The following L1TD1 variants were observed in gnomAD, a reference collection of about 807,000 sequenced individuals.
The protein encoded by L1TD1 is LINE-1 type transposase domain-containing protein 1.
A neutral mutation model predicts 25.7 loss-of-function variants in L1TD1; 26 were observed. That is an observed-to-expected ratio of 1.01 (90% CI 0.74 to 1.40). The LOEUF (loss-of-function observed/expected upper bound fraction) is 1.40. L1TD1 is among the 40% of genes most tolerant of loss of function. L1TD1 has a pLI of 0.00. For missense variants in L1TD1, 1,130 were observed against 975.0 expected, an observed-to-expected ratio of 1.16 and a Z score of -2.12; for synonymous variants, 421 against 335.6, an observed-to-expected ratio of 1.25 and a Z score of -2.78.
chr1:62,210,847 A>G lies in L1TD1; in HGVS notation c.2073A>G (p.Arg691=). The G allele has an allele frequency of 2.6e-6, 4 of 1,549,550 alleles. No homozygotes were observed. Among genetic ancestry groups the G allele is most frequent in the Non-Finnish European group, 3.5e-6 (4 of 1,146,560 alleles). Residue 691 remains arginine (R), a synonymous_variant, in exon 4 of 4, where the codon AGA becomes AGG. Transcript: ENST00000498273. ...TKQIISKERQ[R]DIEERSRSCN... is the part of the protein sequence containing the mutation. Reference sequence around the variant, plus strand: ...AGATAATTAGTAAAGAAAGGCAAAGAGATATAGAGGAGAGATCTAGAAGTT... The same window carrying G: ...AGATAATTAGTAAAGAAAGGCAAAGGGATATAGAGGAGAGATCTAGAAGTT...
At chr1:62,195,856 T>TA (rs1553121747) in intron 1 of L1TD1, among the ~76,000 whole-genome samples, 2 of 151,586 alleles carry the variant, frequency 1.3e-5, no homozygotes, top group Non-Finnish European at 2.9e-5. Flanking sequence ...CTGGCCAACT[T>TA]GGGAAACCCC....
In L1TD1 at chr1:62,209,828, A is replaced by T; in HGVS notation, c.1054A>T (p.Ser352Cys). 1 of 1,612,640 alleles carries T rather than the reference A, an allele frequency of 6.2e-7. No homozygotes were observed. The highest frequency in any genetic ancestry group is 8.5e-7 in the Non-Finnish European group (1 of 1,179,530). ...AAAGCATAGAGCTGGAGAAATAACC[A>T]GTGATGGCTTGAGCTTCCTATTTCT... ...DSKHRAGEITSDGLSFLFLKE... is the reference protein window; with the variant it reads ...DSKHRAGEITCDGLSFLFLKE... The change falls in exon 4 of 4, where the codon AGT becomes TGT. Residue 352 changes from serine (S) to cysteine (C), a missense_variant. Physicochemically the swap from Ser to Cys is moderately radical, Grantham distance 112. Coordinates refer to ENST00000498273, the MANE Select transcript of L1TD1 (RefSeq NM_019079.5).
At chr1:62,205,929 C>G (rs537075551) in intron 2 of L1TD1, among the ~76,000 whole-genome samples, 2 of 152,016 alleles carry the variant, frequency 1.3e-5, no homozygotes, top group Admixed American at 6.6e-5. Flanking sequence ...ACAGGTCACC[C>G]TATGTTGCCC....
At position 62,211,276 on chromosome 1, in the gene L1TD1, G is replaced by T; in HGVS notation, c.2502G>T (p.Arg834Ser). 1.2e-6 allele frequency: 2 copies of T among 1,611,026 alleles called. No homozygotes were observed. Among genetic ancestry groups the T allele is most frequent in the East Asian group, 2.2e-5 (1 of 44,824 alleles). The change falls in exon 4 of 4, where the codon AGG becomes AGT. Residue 834 changes from arginine to serine, a missense_variant. Arg to Ser is a moderately radical substitution (Grantham distance 110, BLOSUM62 -1). Coordinates refer to ENST00000498273, the MANE Select transcript of L1TD1 (RefSeq NM_019079.5). ...CAGCCAAAATGGCATTTGATTTTAGGGGTAAAACAAAGGTATTTCTTAGTA... is the reference window on the plus strand; with the variant it reads ...CAGCCAAAATGGCATTTGATTTTAGTGGTAAAACAAAGGTATTTCTTAGTA... The part of the protein sequence containing the change: ...LYPAKMAFDF[R>S]GKTKVFLSIE...
intron 1 of L1TD1, among the ~76,000 whole-genome samples, chr1:62,195,401 G>C (rs568743798): frequency 1.3e-5 from 2 of 152,376 alleles, no homozygotes; most frequent in South Asian, 4.1e-4. Context: ...AAGTAGTTCT[G>C]TGAAGAAAAA....
intron 3 of L1TD1, chr1:62,208,561 C>T (rs970295915): frequency 3.3e-5 from 5 of 149,862 alleles, no homozygotes; most frequent in African/African-American, 7.4e-5. Flanking sequence ...CTCACTGCAC[C>T]CTCCACCTCC....
chr1:62,202,669 A>ATTTTTT (rs35815437), intron 2 of L1TD1, among the ~76,000 whole-genome samples: 30 of 71,864 alleles, frequency 4.2e-4, no homozygotes, highest in Non-Finnish European at 5.3e-4. Flanking sequence ...CCAGGGTTTA[A>ATTTTTT]TTTTTTTTTT....
chr1:62,210,074 G>A lies in L1TD1; in HGVS notation c.1300G>A (p.Glu434Lys), dbSNP rs145782724. Residue 434 changes from glutamate (E) to lysine (K), a missense_variant, in exon 4 of 4, where the codon GAG becomes AAG. Transcript: ENST00000498273. ...LEEDEASGLE[E>K]EEEQTSEQDS... ...GGAGGATGAGGCCTCAGGGCTAGAG[G>A]AGGAAGAGGAACAGACTTCAGAACA... 1.2e-6 allele frequency: 2 copies of A among 1,613,952 alleles called. No homozygotes were observed. Among genetic ancestry groups the A allele is most frequent in the African/African-American group, 1.3e-5 (1 of 74,890 alleles).
intron 2 of L1TD1, among the ~76,000 whole-genome samples, chr1:62,203,263 A>T (rs1458529474): frequency 6.6e-6 from 1 of 152,130 alleles, no homozygotes. Context: ...TCTTGTTACA[A>T]ACATTCCAAT....
intron 2 of L1TD1, among the ~76,000 whole-genome samples, chr1:62,205,092 C>T (rs1670709476): frequency 6.6e-6 from 1 of 151,956 alleles, no homozygotes; most frequent in Admixed American, 6.6e-5. Context: ...TGGCTCAAGC[C>T]TGTAATTCCA....
rs1455798455 is a variant in L1TD1 at position 62,210,227 on chromosome 1, AAG to A, written c.1456_1457del (p.Ser486LeufsTer2). ...DSESEEEEEG[K>X]SSETGKVKTT... ...TGAATCAGAGGAGGAAGAAGAAGGA[AAG>A]AGCTCTGAAACAGGAAAGGTAAAGA... On this transcript the variant is annotated frameshift_variant, in exon 4 of 4. Transcript: ENST00000498273. LOFTEE classifies it low-confidence loss of function (END_TRUNC). 6.2e-7 allele frequency: 1 copy of A among 1,613,856 alleles called. No individual in the cohort carries two copies. Among genetic ancestry groups the A allele is most frequent in the Non-Finnish European group, 8.5e-7 (1 of 1,179,976 alleles).
At chr1:62,199,923 T>C (rs1490388788) in intron 2 of L1TD1, among the ~76,000 whole-genome samples, 1 of 151,338 alleles carries the variant, frequency 6.6e-6, no homozygotes, top group Non-Finnish European at 1.5e-5. Context: ...TGCATTCTCC[T>C]GACTAATATA....
At position 62,206,812 on chromosome 1, in the gene L1TD1, C is replaced by T. The variant is rs781323609; in HGVS notation, c.184C>T (p.Gln62Ter). ...MNKFKVLMEIQDLMFEEMRET... is the reference protein window; with the variant it reads ...MNKFKVLMEI ...TAAGTTTAAGGTCTTAATGGAAATT[C>T]AAGACCTGATGTTTGAGGAGATGAG... Residue 62 changes from glutamine to a stop codon, truncating the protein, a stop_gained, in exon 3 of 4, where the codon CAA becomes TAA. Transcript: ENST00000498273. LOFTEE classifies it high-confidence loss of function. 3.8e-6 allele frequency: 6 copies of T among 1,598,654 alleles called. No individual in the cohort carries two copies. The highest frequency in any genetic ancestry group is 5.1e-6 in the Non-Finnish European group (6 of 1,171,262).
At position 62,207,285 on chromosome 1, in the gene L1TD1, AT is replaced by A. The variant is rs1354782327; in HGVS notation, c.659del (p.Leu220Ter). 1.3e-5 allele frequency: 20 copies of A among 1,550,950 alleles called. No homozygotes were observed. In the Admixed American group the frequency reaches 3.7e-4, roughly 29 times the overall value. On this transcript the variant is annotated frameshift_variant, in exon 3 of 4. Transcript: ENST00000498273. LOFTEE classifies it high-confidence loss of function. ...TGAGAGAGGAAAGAAAATTTCAGAA[AT>A]TGAAGAATAAAGAGGAGGTTTTAAA... ...EMREERKFQK[L>X]KNKEEVLKAS...
chr1:62,210,083 G>A lies in L1TD1; in HGVS notation c.1309G>A (p.Glu437Lys). 4 of 1,614,028 alleles carry A rather than the reference G, an allele frequency of 2.5e-6. No individual in the cohort carries two copies. Among genetic ancestry groups the A allele is most frequent in the Non-Finnish European group, 3.4e-6 (4 of 1,180,014 alleles). Residue 437 changes from glutamate to lysine, a missense_variant, in exon 4 of 4, where the codon GAA becomes AAA. Physicochemically the swap from Glu to Lys is moderately conservative, Grantham distance 56. Coordinates refer to ENST00000498273, the MANE Select transcript of L1TD1 (RefSeq NM_019079.5). ...GGCCTCAGGGCTAGAGGAGGAAGAG[G>A]AACAGACTTCAGAACAGGACTCAAC... ...DEASGLEEEE[E>K]QTSEQDSTFQ... is the part of the protein sequence containing the mutation.
At position 62,211,184 on chromosome 1, in the gene L1TD1, A is replaced by G; in HGVS notation, c.2410A>G (p.Arg804Gly). 6.4e-7 allele frequency: 1 copy of G among 1,551,798 alleles called. No individual in the cohort carries two copies. Among genetic ancestry groups the G allele is most frequent in the Non-Finnish European group, 8.7e-7 (1 of 1,147,070 alleles). Residue 804 changes from arginine (R) to glycine (G), a missense_variant, in exon 4 of 4, where the codon AGA becomes GGA. Physicochemically the swap from Arg to Gly is moderately radical, Grantham distance 125. Coordinates refer to ENST00000498273, the MANE Select transcript of L1TD1 (RefSeq NM_019079.5). ...CTTATCACTGGACACACTGGATGCT[A>G]GAAGTAAATGGAGCAATGTCTTCAA... is the stretch of plus-strand genomic sequence containing the variant. Reference protein sequence around the residue: ...ADLSLDTLDARSKWSNVFKVL... With the variant: ...ADLSLDTLDAGSKWSNVFKVL...
rs754147582 is a variant in L1TD1, at chr1:62,211,318, TTA to T, written c.2546_2547del (p.Tyr849CysfsTer14). On this transcript the variant is annotated frameshift_variant, in exon 4 of 4. Transcript: ENST00000498273. LOFTEE classifies it low-confidence loss of function (END_TRUNC). ...TTCTTAGTATTGAAGAATTTAGAGA[TTA>T]TGTTTTGCATATGCCCACCTTGAGA... ...VFLSIEEFRD[Y>X]VLHMPTLREL... 15 of 1,613,030 alleles carry T rather than the reference TTA, an allele frequency of 9.3e-6. No homozygotes were observed. The African/African-American group carries it at 1.1e-4, about 11-fold the overall frequency.
chr1:62,199,217 G>T (rs1405290444), intron 2 of L1TD1, among the ~76,000 whole-genome samples: 1 of 152,164 alleles, frequency 6.6e-6, no homozygotes, highest in African/African-American at 2.4e-5. Context: ...AGCATTTGAG[G>T]CTGGGAGCAG....
At chr1:62,206,061 T>G (rs1670738248) in intron 2 of L1TD1, among the ~76,000 whole-genome samples, 1 of 152,158 alleles carries the variant, frequency 6.6e-6, no homozygotes, top group East Asian at 1.9e-4. Context: ...ACTTGATAAT[T>G]GGTTTTCAGA....
Sources: allele counts gnomAD v4.1 joint callset (sites outside exome capture counted in the v4.1 genomes callset), GRCh38; gene constraint gnomAD v4.1.1; transcripts MANE v1.5; gene names NCBI Gene and HGNC (gene_info 2026-07-23, HGNC 2026-07-21).